Variants in CADM4 observed in about 807,000 individuals in gnomAD.
CADM4 encodes the protein cell adhesion molecule 4.
CADM4 carries 13 observed loss-of-function variants against 43.9 expected under a neutral mutation model. That is an observed-to-expected ratio of 0.30 (90% CI 0.19 to 0.47). The LOEUF is 0.47. Among genes scored for constraint, CADM4 ranks in the 20% least tolerant of loss-of-function variants. CADM4 has a pLI of 1.00. For synonymous variants in CADM4, 209 were observed against 220.9 expected (o/e 0.95, Z 0.48); for missense variants, 420 against 527.0 (o/e 0.80, Z 1.99).
In CADM4 at chr19:43,627,034, C is replaced by G. The variant is rs1024463044; in HGVS notation, c.365-116G>C. 2.0e-5 allele frequency: 30 copies of G among 1,486,046 alleles called. No individual in the cohort carries two copies. The highest frequency in any genetic ancestry group is 2.5e-5 in the Non-Finnish European group (28 of 1,110,694). The allele number at this position is 1,486,046 out of a possible 1,614,324, so 92.1% of individuals were successfully genotyped here. ...AACCAGGGTCCCAGGTGGCAGGGGT[C>G]AAAGGGGAGAGGTCAGGAGCCAGAT... On this transcript the variant is annotated intron_variant, in intron 3 of 8. Coordinates refer to ENST00000222374, the MANE Select transcript of CADM4 (RefSeq NM_145296.2). The surrounding 1 kb of genome is among the most constrained non-coding windows in gnomAD (Gnocchi z 4.0).
chr19:43,624,052 C>G, intron 8 of CADM4, 62 bp downstream of exon 8: 1 of 1,595,004 alleles, frequency 6.3e-7, no homozygotes, highest in Non-Finnish European at 8.6e-7. Context: ...TGGCTCTAGG[C>G]CCCGCCTCTT....
chr19:43,633,124 A>AGTG (rs937872268), intron 1 of CADM4, among the ~76,000 whole-genome samples: 1 of 149,038 alleles, frequency 6.7e-6, no homozygotes, highest in Non-Finnish European at 1.5e-5. Context: ...CCCAGGCTGG[A>AGTG]GTGCAGTGGT....
chr19:43,635,691 T>C (rs1303179294), intron 1 of CADM4, among the ~76,000 whole-genome samples: 25 of 103,220 alleles, frequency 2.4e-4, no homozygotes, highest in South Asian at 3.5e-4. Context: ...TCCCTCAGAC[T>C]CAGGAGTCTA....
chr19:43,640,340 G>A (rs1369397020), upstream of CADM4, among the ~76,000 whole-genome samples: 6 of 151,810 alleles, frequency 4.0e-5, no homozygotes, highest in African/African-American at 1.5e-4. Context: ...TGTGAGAGGC[G>A]TGCTGCGGGC....
At chr19:43,632,900 C>T (rs1470885052) in intron 1 of CADM4, among the ~76,000 whole-genome samples, 1 of 151,940 alleles carries the variant, frequency 6.6e-6, no homozygotes, top group African/African-American at 2.4e-5. Context: ...GCCTGGCCAA[C>T]GTGGCGAAAC....
chr19:43,625,851 C>T lies in CADM4; in HGVS notation c.755+60G>A, dbSNP rs571693720. 3 of 1,438,994 alleles carry T rather than the reference C, an allele frequency of 2.1e-6. No individual in the cohort carries two copies. The highest frequency in any genetic ancestry group is 2.8e-5 in the African/African-American group (2 of 71,570). The allele number at this position is 1,438,994 out of a possible 1,614,324, so 89.1% of individuals were successfully genotyped here. On this transcript the variant is annotated intron_variant, in intron 6 of 8. Transcript: ENST00000222374. This position sits in a 1 kb window ranked among gnomAD's most constrained non-coding sequence, Gnocchi z 4.5. ...ACCCAGGAGTCCAAGTCCCTGGTCC[C>T]TGTTCTTCCAGGTCCCCAGCTTTCT...
chr19:43,625,315 C>T lies in CADM4; in HGVS notation c.756-65G>A. 1 of 1,506,186 alleles carries T rather than the reference C, an allele frequency of 6.6e-7. No individual in the cohort carries two copies. The allele number at this position is 1,506,186 out of a possible 1,614,324, so 93.3% of individuals were successfully genotyped here. A position where few individuals can be genotyped will look rare whatever the true frequency, so the allele number is the denominator to read the frequency against. On this transcript the variant is annotated intron_variant, in intron 6 of 8. Coordinates refer to ENST00000222374, the MANE Select transcript of CADM4 (RefSeq NM_145296.2). This position sits in a 1 kb window ranked among gnomAD's most constrained non-coding sequence, Gnocchi z 4.5. Reference sequence around the variant, plus strand: ...GTGCCAGCACCCAATTCTGACTTGTCAAGAATCTAGACATGCAACTCTCAT... The same window carrying T: ...GTGCCAGCACCCAATTCTGACTTGTTAAGAATCTAGACATGCAACTCTCAT...
Position 43,627,115 on chromosome 19 carries a change from A to G in CADM4, c.364+51T>C, listed in dbSNP as rs1277710285. The G allele has an allele frequency of 2.0e-6, 3 of 1,518,914 alleles. 1 individual carries two copies. In the South Asian group the frequency reaches 3.9e-5, roughly 20 times the overall value. The allele number at this position is 1,518,914 out of a possible 1,614,324, so 94.1% of individuals were successfully genotyped here. On this transcript the variant is annotated intron_variant, in intron 3 of 8. Coordinates refer to ENST00000222374, the MANE Select transcript of CADM4 (RefSeq NM_145296.2). The surrounding 1 kb of genome is among the most constrained non-coding windows in gnomAD (Gnocchi z 4.0). ...TCTGAAAGTCTCAGGAGAAGAGAGA[A>G]GCAGAGAAGAAAGGAGGAGAGGATG... is the stretch of plus-strand genomic sequence containing the variant.
chr19:43,629,837 G>A (rs1055178087), intron 1 of CADM4, among the ~76,000 whole-genome samples: 3 of 151,996 alleles, frequency 2.0e-5, no homozygotes, highest in African/African-American at 2.4e-5. Context: ...GGCTGGTCTC[G>A]AACTCCTGGC....
chr19:43,638,821 G>C (rs980142845), intron 1 of CADM4, among the ~76,000 whole-genome samples: 1 of 152,242 alleles, frequency 6.6e-6, no homozygotes, highest in Non-Finnish European at 1.5e-5. Context: ...CATGCACACA[G>C]ATGTTCCCCT....
Position 43,625,214 on chromosome 19 carries a change from AGACTCATT to A in CADM4, c.784_791del (p.Asn262PhefsTer22). 1 of 1,614,242 alleles carries A rather than the reference AGACTCATT, an allele frequency of 6.2e-7. No individual in the cohort carries two copies. Among genetic ancestry groups the A allele is most frequent in the Non-Finnish European group, 8.5e-7 (1 of 1,180,036 alleles). On this transcript the variant is annotated frameshift_variant, in exon 7 of 9. Transcript: ENST00000222374. LOFTEE classifies it high-confidence loss of function. This position sits in a 1 kb window ranked among gnomAD's most constrained non-coding sequence, Gnocchi z 4.5. ...CCACGGCCTCCGCCCTCTCCGGCAA[AGACTCATT>A]CCCGCGGTTCCAGCGGATCTGGTTT...
Position 43,636,904 on chromosome 19 carries a change from TGA to T in CADM4, c.64+2821_64+2822del, listed in dbSNP as rs374608222. ...TGGTCAGAATTTTAGCAGGAAAAAGTGAGTCACCCTGGGAAGGAAACATTATT... is the reference window on the plus strand; with the variant it reads ...TGGTCAGAATTTTAGCAGGAAAAAGTGTCACCCTGGGAAGGAAACATTATT... On this transcript the variant is annotated intron_variant, in intron 1 of 8. Transcript: ENST00000222374. Among the ~76,000 whole-genome samples, 530 of 152,128 alleles carry T rather than the reference TGA, an allele frequency of 3.5e-3. 6 individuals carry two copies. The highest frequency in any genetic ancestry group is 0.02 in the Middle Eastern group (6 of 294).
chr19:43,623,404 C>G lies in CADM4; in HGVS notation c.1093G>C (p.Glu365Gln). The G allele has an allele frequency of 6.2e-7, 1 of 1,614,180 alleles. No individual in the cohort carries two copies. Among genetic ancestry groups the G allele is most frequent in the Non-Finnish European group, 8.5e-7 (1 of 1,180,018 alleles). Reference sequence around the variant, plus strand: ...AAGGCTTCTCTTGCTTCTCCCTGTTCATCCAAGCCACTGGCTTCGTGGGTC... The same window carrying G: ...AAGGCTTCTCTTGCTTCTCCCTGTTGATCCAAGCCACTGGCTTCGTGGGTC... ...YLTHEASGLD[E>Q]QGEAREAFLN... is the part of the protein sequence containing the mutation. The change falls in exon 9 of 9, where the codon GAA becomes CAA. Residue 365 changes from glutamate (E) to glutamine (Q), a missense_variant. Coordinates refer to ENST00000222374, the MANE Select transcript of CADM4 (RefSeq NM_145296.2). The surrounding 1 kb of genome is among the most constrained non-coding windows in gnomAD (Gnocchi z 4.4).
chr19:43,624,866 A>C (rs1973495808), intron 7 of CADM4: 1 of 580,644 alleles, frequency 1.7e-6, no homozygotes. Flanking sequence ...TTTCCACTTT[A>C]CTGATGGGTA....
Position 43,623,966 on chromosome 19 carries a change from C to T in CADM4, c.1057+148G>A. On this transcript the variant is annotated intron_variant, in intron 8 of 8. Coordinates refer to ENST00000222374, the MANE Select transcript of CADM4 (RefSeq NM_145296.2). The surrounding 1 kb of genome is among the most constrained non-coding windows in gnomAD (Gnocchi z 4.4). ...TTTTCGAGTATTGTGCCGAAAGCCC[C>T]GCCCCCTTTGTCATCTCCGCCCCCG... The T allele has an allele frequency of 2.1e-6, 2 of 942,048 alleles. No homozygotes were observed. Among genetic ancestry groups the T allele is most frequent in the Non-Finnish European group, 3.2e-6 (2 of 626,362 alleles). The allele number at this position is 942,048 out of a possible 1,614,324, so 58.4% of individuals were successfully genotyped here. A position where few individuals can be genotyped will look rare whatever the true frequency, so the allele number is the denominator to read the frequency against.
At position 43,625,852 on chromosome 19, in the gene CADM4, T is replaced by G. The variant is rs1973516606; in HGVS notation, c.755+59A>C. 1 of 1,447,958 alleles carries G rather than the reference T, an allele frequency of 6.9e-7. No homozygotes were observed. The allele number at this position is 1,447,958 out of a possible 1,614,324, so 89.7% of individuals were successfully genotyped here. ...CCCAGGAGTCCAAGTCCCTGGTCCC[T>G]GTTCTTCCAGGTCCCCAGCTTTCTC... On this transcript the variant is annotated intron_variant, in intron 6 of 8. Transcript: ENST00000222374. The surrounding 1 kb of genome is among the most constrained non-coding windows in gnomAD (Gnocchi z 4.5).
chr19:43,624,394 T>C, intron 7 of CADM4, 152 bp from the exon 8 acceptor site: 2 of 896,442 alleles, frequency 2.2e-6, no homozygotes, highest in Non-Finnish European at 3.4e-6. Context: ...TTGTAGTCTC[T>C]TCTCTTTCCA....
At position 43,627,290 on chromosome 19, in the gene CADM4, C is replaced by G. The variant is rs1401563598; in HGVS notation, c.240G>C (p.Glu80Asp). The G allele has an allele frequency of 6.2e-7, 1 of 1,606,562 alleles. No homozygotes were observed. The highest frequency in any genetic ancestry group is 1.1e-5 in the South Asian group (1 of 90,078). ...TCCGCACCCGGCGTGGGGAGAACTC[C>G]TCAAGCTGGAAACGCTCATCCTTCA... ...RALKDERFQL[E>D]EFSPRRVRIR... The change falls in exon 3 of 9, where the codon GAG becomes GAC. Residue 80 changes from glutamate to aspartate, a missense_variant. By Grantham distance (45) the Glu-to-Asp change is conservative. Coordinates refer to ENST00000222374, the MANE Select transcript of CADM4 (RefSeq NM_145296.2). This position sits in a 1 kb window ranked among gnomAD's most constrained non-coding sequence, Gnocchi z 4.0.
At chr19:43,640,833 G>T (rs1290379364), upstream of CADM4, among the ~76,000 whole-genome samples, 2 of 152,134 alleles carry the variant, frequency 1.3e-5, no homozygotes, top group African/African-American at 4.8e-5. Flanking sequence ...ACACCCTGTA[G>T]ACCTGATGCG....
Sources: allele counts gnomAD v4.1 joint callset (sites outside exome capture counted in the v4.1 genomes callset), GRCh38; gene constraint gnomAD v4.1.1; non-coding constraint Gnocchi (gnomAD v3.1); transcripts MANE v1.5; gene names NCBI Gene and HGNC (gene_info 2026-07-23, HGNC 2026-07-21).